AKAP13: variants seen among roughly 807,000 people sequenced by gnomAD.
AKAP13 encodes the protein A-kinase anchoring protein 13.
In AKAP13, 80 loss-of-function variants were observed where a neutral mutation model predicts 264.5. That is an observed-to-expected ratio of 0.30 (90% CI 0.25 to 0.36). AKAP13 has a LOEUF of 0.36. Among genes scored for constraint, AKAP13 ranks in the 10% least tolerant of loss-of-function variants. The probability of loss-of-function intolerance (pLI) is 1.00; values close to 1 mark genes in which losing one functional copy is unlikely to be tolerated. For missense variants in AKAP13, 3,712 were observed against 3,435.2 expected (o/e 1.08, Z -2.01); for synonymous variants, 1,380 against 1,250.2 (o/e 1.10, Z -2.19).
Position 85,741,038 on chromosome 15 carries a change from C to T in AKAP13, c.7609-8C>T. 6.3e-7 allele frequency: 1 copy of T among 1,596,690 alleles called. No homozygotes were observed. Among genetic ancestry groups the T allele is most frequent in the Non-Finnish European group, 8.5e-7 (1 of 1,170,170 alleles). On this transcript the variant is annotated splice_region_variant and splice_polypyrimidine_tract_variant and intron_variant, in intron 34 of 36. Transcript: ENST00000394518. ...GAGTTGCAGGGCTCCCCTCTGTGTG[C>T]CTCCCAGGGTGTGGTGCTGCAGCAG...
chr15:85,602,839 C>T (rs2080152085), intron 8 of AKAP13, among the ~76,000 whole-genome samples: 1 of 152,202 alleles, frequency 6.6e-6, no homozygotes, highest in South Asian at 2.1e-4. Flanking sequence ...TAAAATCCTA[C>T]ATTGGTCATT....
intron 8 of AKAP13, among the ~76,000 whole-genome samples, chr15:85,633,275 A>G (rs1346448655): frequency 1.3e-5 from 2 of 151,914 alleles, no homozygotes; most frequent in African/African-American, 2.4e-5. Context: ...TTCTTTACTT[A>G]TCACTAAAGA....
At chr15:85,701,454 G>A (rs895598549) in intron 17 of AKAP13, among the ~76,000 whole-genome samples, 1 of 151,852 alleles carries the variant, frequency 6.6e-6, no homozygotes, top group African/African-American at 2.4e-5. Flanking sequence ...TTTTTTGTTT[G>A]TTTGAGACGG....
At chr15:85,426,872 T>C (rs186526791) in intron 1 of AKAP13, among the ~76,000 whole-genome samples, 1 of 152,280 alleles carries the variant, frequency 6.6e-6, no homozygotes, top group East Asian at 1.9e-4. Flanking sequence ...ATCATTGGTA[T>C]GTAGTTGTGT....
At position 85,679,824 on chromosome 15, in the gene AKAP13, A is replaced by G. The variant is rs138336219; in HGVS notation, c.5102-2334A>G. ...TTAATGACAAGTTTCGTTTCGTTTC[A>G]TTTATTTTGTCCATAATTTTGTCAT... On this transcript the variant is annotated intron_variant, in intron 14 of 36. Coordinates refer to ENST00000394518, the MANE Select transcript of AKAP13 (RefSeq NM_007200.5). Among the ~76,000 whole-genome samples the G allele has an allele frequency of 2.5e-3, 373 of 152,234 alleles. 1 individual carries two copies. Among genetic ancestry groups the G allele is most frequent in the Non-Finnish European group, 3.8e-3 (257 of 68,004 alleles).
At chr15:85,673,666 CTTTTTTT>C (rs386383664) in intron 14 of AKAP13, among the ~76,000 whole-genome samples, 40 of 77,560 alleles carry the variant, frequency 5.2e-4, no homozygotes, top group African/African-American at 2.0e-3. Context: ...TTCTTTCTTT[CTTTTTTT>C]TTTTTTTTTT....
At chr15:85,744,144 G>T in intron 36 of AKAP13, 1 of 353,298 alleles carries the variant, frequency 2.8e-6, no homozygotes, top group Non-Finnish European at 5.2e-6. Flanking sequence ...AGTAGTCATT[G>T]GTAACAGCTA....
At chr15:85,652,060 C>T (rs980150374) in intron 10 of AKAP13, among the ~76,000 whole-genome samples, 1 of 152,146 alleles carries the variant, frequency 6.6e-6, no homozygotes, top group Non-Finnish European at 1.5e-5. Context: ...TCTGTGTGAA[C>T]TTTATTCTTA....
At chr15:85,545,976 CTG>C (rs2077722236) in intron 5 of AKAP13, among the ~76,000 whole-genome samples, 3 of 152,182 alleles carry the variant, frequency 2.0e-5, no homozygotes, top group South Asian at 4.1e-4. Context: ...ATCACCCAAA[CTG>C]AACTTCCTTT....
chr15:85,499,031 C>T (rs536898655), intron 2 of AKAP13, among the ~76,000 whole-genome samples: 5 of 152,274 alleles, frequency 3.3e-5, no homozygotes, highest in South Asian at 2.1e-4. Context: ...TTTTTCAACA[C>T]GGCTGACTGT....
chr15:85,739,757 T>C (rs1310069577), intron 33 of AKAP13, among the ~76,000 whole-genome samples: 1 of 152,198 alleles, frequency 6.6e-6, no homozygotes, highest in Non-Finnish European at 1.5e-5. Flanking sequence ...TTTAACATTT[T>C]CAGATATTTG....
intron 14 of AKAP13, 96 bp from the exon 15 acceptor site, chr15:85,682,062 T>G: frequency 8.5e-7 from 1 of 1,176,710 alleles, no homozygotes; most frequent in Non-Finnish European, 1.3e-6. Flanking sequence ...ACACGCTGTT[T>G]TTGCTTTAGC....
Position 85,533,806 on chromosome 15 carries a change from A to G in AKAP13, c.404A>G (p.Lys135Arg), listed in dbSNP as rs2077309971. The part of the protein sequence containing the change: ...PSGDVNSLDK[K>R]LVLAFRHLKL... ...GGGGATGTGAATTCCCTTGATAAGAAGTTGGTGCTGGCATTCAGGCACCTG... is the reference window on the plus strand; with the variant it reads ...GGGGATGTGAATTCCCTTGATAAGAGGTTGGTGCTGGCATTCAGGCACCTG... Residue 135 changes from lysine to arginine, a missense_variant, in exon 4 of 37, where the codon AAG becomes AGG. Physicochemically the swap from Lys to Arg is conservative, Grantham distance 26. This residue lies in a region of AKAP13 where 2,759 missense variants were observed against 2,411.7 expected (regional missense o/e 1.14). Transcript: ENST00000394518. 4.3e-6 allele frequency: 7 copies of G among 1,613,812 alleles called. No individual in the cohort carries two copies. The highest frequency in any genetic ancestry group is 5.1e-6 in the Non-Finnish European group (6 of 1,179,882).
At chr15:85,426,134 C>T (rs2072766010) in intron 1 of AKAP13, among the ~76,000 whole-genome samples, 1 of 152,104 alleles carries the variant, frequency 6.6e-6, no homozygotes, top group African/African-American at 2.4e-5. Context: ...AGTTTTGGCT[C>T]TTAATCAGGA....
chr15:85,659,591 T>G (rs1390289970), intron 12 of AKAP13, among the ~76,000 whole-genome samples: 1 of 149,816 alleles, frequency 6.7e-6, no homozygotes, highest in Non-Finnish European at 1.5e-5. Flanking sequence ...CTAAATAAGT[T>G]TTTCAGTAGA....
Position 85,747,641 on chromosome 15 carries a change from G to A in AKAP13, c.*2964G>A, listed in dbSNP as rs948729231. 7.9e-5 allele frequency: 12 copies of A among 152,534 alleles called. No individual in the cohort carries two copies. The highest frequency in any genetic ancestry group is 2.7e-4 in the African/African-American group (11 of 41,406). 9.4% of individuals were successfully genotyped at this position (152,534 alleles called of 1,614,324 possible). A position where few individuals can be genotyped will look rare whatever the true frequency, so the allele number is the denominator to read the frequency against. On this transcript the variant is annotated 3_prime_UTR_variant, in exon 37 of 37. Transcript: ENST00000394518. ...CATGTGCACTTTAAATGCTCTCATC[G>A]GTTGGCTTCATTTTCAAGACAATCA...
At chr15:85,644,544 AC>A in intron 9 of AKAP13, among the ~76,000 whole-genome samples, 1 of 150,602 alleles carries the variant, frequency 6.6e-6, no homozygotes, top group Non-Finnish European at 1.5e-5. Flanking sequence ...CCCGGCCATG[AC>A]TTTTATCCTT....
intron 17 of AKAP13, among the ~76,000 whole-genome samples, chr15:85,706,279 C>T (rs1023333799): frequency 6.6e-6 from 1 of 152,144 alleles, no homozygotes; most frequent in Non-Finnish European, 1.5e-5. Context: ...GTGCACCATA[C>T]ACCCTGAGTA....
At chr15:85,413,370 T>C (rs955458816) in intron 1 of AKAP13, among the ~76,000 whole-genome samples, 1 of 152,226 alleles carries the variant, frequency 6.6e-6, no homozygotes, top group Non-Finnish European at 1.5e-5. Flanking sequence ...TTGGAGAGAT[T>C]TTTCAGGATG....
Sources: allele counts gnomAD v4.1 joint callset (sites outside exome capture counted in the v4.1 genomes callset), GRCh38; gene constraint gnomAD v4.1.1; regional missense constraint gnomAD v4.1.1; transcripts MANE v1.5; gene names NCBI Gene and HGNC (gene_info 2026-07-23, HGNC 2026-07-21).